The following SPON2 variants were observed in gnomAD, a reference collection of about 807,000 sequenced individuals.
SPON2 encodes the protein spondin-2.
In SPON2, 32 loss-of-function variants were observed where a neutral mutation model predicts 29.9. That is an observed-to-expected ratio of 1.07 (90% CI 0.81 to 1.44). SPON2 has a LOEUF of 1.44. Ranked by LOEUF, SPON2 falls within the 40% of genes most tolerant of loss-of-function variation. The pLI, the probability that SPON2 is intolerant of heterozygous loss-of-function variation, is 0.00. For missense variants in SPON2, 541 were observed against 455.5 expected (o/e 1.19, Z -1.71); for synonymous variants, 248 against 209.1 (o/e 1.19, Z -1.61).
In SPON2 at chr4:1,171,250, G is replaced by A. The variant is rs770737325; in HGVS notation, c.444+13C>T. 254 of 1,469,208 alleles carry A rather than the reference G, an allele frequency of 1.7e-4. 1 individual carries two copies. Among genetic ancestry groups the A allele is most frequent in the South Asian group, 3.0e-4 (22 of 73,332 alleles). 91.0% of individuals were successfully genotyped at this position (1,469,208 alleles called of 1,614,324 possible). ...GCCCCCCGGACCCCGCCCCCGGCCG[G>A]CCCCGCGCTCACCAGCGAGTGCCTG... On this transcript the variant is annotated intron_variant, in intron 3 of 5. Transcript: ENST00000290902.
chr4:1,170,249 C>T, intron 5 of SPON2, 153 bp downstream of exon 5: 1 of 745,184 alleles, frequency 1.3e-6, no homozygotes, highest in Non-Finnish European at 2.3e-6. Flanking sequence ...GTGTGTGAAT[C>T]AACAGAATCC....
intron 1 of SPON2, among the ~76,000 whole-genome samples, chr4:1,190,294 C>A (rs557397631): frequency 2.8e-4 from 41 of 148,896 alleles, no homozygotes; most frequent in South Asian, 2.6e-3. Flanking sequence ...AAAAAAAAAA[C>A]AAACAAAAAA....
intron 1 of SPON2, among the ~76,000 whole-genome samples, chr4:1,190,385 T>C (rs1022284073): frequency 3.9e-5 from 6 of 152,140 alleles, no homozygotes; most frequent in African/African-American, 4.8e-5. Flanking sequence ...GCATAATTAA[T>C]ACCAATCCTT....
chr4:1,196,253 G>A (rs970299510), upstream of SPON2, among the ~76,000 whole-genome samples: 1 of 152,212 alleles, frequency 6.6e-6, no homozygotes, highest in African/African-American at 2.4e-5. Flanking sequence ...GAGAGACCAG[G>A]AGAAATCCCA....
Position 1,171,175 on chromosome 4 carries a change from G to T in SPON2, c.460C>A (p.Arg154Ser). Residue 154 changes from arginine (R) to serine (S), a missense_variant, in exon 4 of 6, where the codon CGC (arginine) becomes AGC (serine). Coordinates refer to ENST00000290902, the MANE Select transcript of SPON2 (RefSeq NM_012445.4). ...RRHSLVSFVV[R>S]IVPSPDWFVG... ...AACCAGTCGGGGCTGGGCACGATGC[G>T]CACCACAAACGAGACCTGCGGCGAC... 1.3e-6 allele frequency: 2 copies of T among 1,544,118 alleles called. No homozygotes were observed. The highest frequency in any genetic ancestry group is 1.7e-6 in the Non-Finnish European group (2 of 1,146,972).
chr4:1,170,765 G>A, intron 4 of SPON2, 189 bp from the exon 5 acceptor site: 2 of 942,338 alleles, frequency 2.1e-6, no homozygotes, highest in South Asian at 2.8e-5. Context: ...GGAAGGGGCA[G>A]CCTCCTCGGG....
At chr4:1,195,412 G>T (rs1472706933), upstream of SPON2, among the ~76,000 whole-genome samples, 1 of 151,956 alleles carries the variant, frequency 6.6e-6, no homozygotes, top group East Asian at 2.0e-4. Context: ...CGCCTCAGGG[G>T]TCCCTCACAG....
chr4:1,189,508 C>T (rs981343087), intron 1 of SPON2, among the ~76,000 whole-genome samples: 2 of 151,370 alleles, frequency 1.3e-5, no homozygotes, highest in African/African-American at 4.9e-5. Context: ...TAAAAAATAG[C>T]TGGGTGTGGT....
intron 1 of SPON2, among the ~76,000 whole-genome samples, chr4:1,186,050 C>A (rs1024128599): frequency 1.2e-4 from 18 of 149,484 alleles, no homozygotes; most frequent in Non-Finnish European, 2.1e-4. Context: ...CGAGACCATC[C>A]TGGCTAACAC....
At chr4:1,184,377 A>G (rs1330871109) in intron 1 of SPON2, among the ~76,000 whole-genome samples, 1 of 152,216 alleles carries the variant, frequency 6.6e-6, no homozygotes, top group Non-Finnish European at 1.5e-5. Context: ...AAAAATCTTG[A>G]TTTAAATTCA....
At chr4:1,174,486 C>CAAAAAAAAAAAA (rs59532169), upstream of SPON2, among the ~76,000 whole-genome samples, 14 of 94,234 alleles carry the variant, frequency 1.5e-4, no homozygotes, top group African/African-American at 3.5e-4. Context: ...GACTCCATCT[C>CAAAAAAAAAAAA]AAAAAAAAAA....
At chr4:1,174,810 C>T (rs1176464871), upstream of SPON2, among the ~76,000 whole-genome samples, 1 of 152,230 alleles carries the variant, frequency 6.6e-6, no homozygotes, top group Non-Finnish European at 1.5e-5. Flanking sequence ...CCCATATCGG[C>T]TCCAGCACTT....
chr4:1,195,803 AT>A (rs1207236099), upstream of SPON2, among the ~76,000 whole-genome samples: 2 of 149,448 alleles, frequency 1.3e-5, no homozygotes, highest in African/African-American at 2.5e-5. Context: ...CACCCAGCTG[AT>A]TTTTTTTTAT....
In SPON2 at chr4:1,171,250, GC is replaced by G; in HGVS notation, c.444+12del. ...GCCCCCCGGACCCCGCCCCCGGCCG[GC>G]CCCGCGCTCACCAGCGAGTGCCTGC... On this transcript the variant is annotated intron_variant, in intron 3 of 5. Transcript: ENST00000290902. 1 of 1,469,316 alleles carries G rather than the reference GC, an allele frequency of 6.8e-7. No individual in the cohort carries two copies. Among genetic ancestry groups the G allele is most frequent in the African/African-American group, 1.5e-5 (1 of 67,832 alleles). The allele number at this position is 1,469,316 out of a possible 1,614,324, so 91.0% of individuals were successfully genotyped here.
upstream of SPON2, among the ~76,000 whole-genome samples, chr4:1,173,898 A>G (rs530382007): frequency 1.3e-5 from 2 of 152,362 alleles, no homozygotes; most frequent in South Asian, 4.1e-4. Context: ...GGACTCCTTC[A>G]TACTCTTAAA....
chr4:1,176,551 TCA>T (rs1234591966), upstream of SPON2, among the ~76,000 whole-genome samples: 1 of 152,000 alleles, frequency 6.6e-6, no homozygotes, highest in African/African-American at 2.4e-5. Context: ...ACTAATTCAC[TCA>T]CACAGTACAT....
chr4:1,177,451 G>A (rs1324161783), upstream of SPON2, among the ~76,000 whole-genome samples: 3 of 152,220 alleles, frequency 2.0e-5, no homozygotes, highest in East Asian at 5.8e-4. Context: ...ATCGGGGGTG[G>A]AGTCTGTGCT....
chr4:1,186,310 T>G (rs1377448127), intron 1 of SPON2, among the ~76,000 whole-genome samples: 6 of 151,406 alleles, frequency 4.0e-5, no homozygotes, highest in African/African-American at 7.3e-5. Context: ...AGAAAATGTT[T>G]TTTTTTTTTT....
intron 1 of SPON2, among the ~76,000 whole-genome samples, chr4:1,203,751 G>A (rs1473023974): frequency 6.6e-6 from 1 of 152,214 alleles, no homozygotes; most frequent in East Asian, 1.9e-4. Flanking sequence ...CAGTGGGTGT[G>A]AGGTGTGGTC....
Sources: gnomAD v4.1 joint callset for allele counts (sites outside exome capture counted in the v4.1 genomes callset) on GRCh38, gnomAD v4.1.1 for gene constraint, MANE v1.5 for transcripts, NCBI Gene and HGNC (gene_info 2026-07-23, HGNC 2026-07-21) for gene names.